The following STK3 variants were observed in gnomAD, a reference collection of about 807,000 sequenced individuals.
STK3 encodes serine/threonine kinase 3.
In STK3, 41 loss-of-function variants were observed where a neutral mutation model predicts 58.0. The ratio of observed to expected loss-of-function variants is 0.71; its 90% CI spans 0.55 to 0.92. STK3 has a LOEUF of 0.92. Ranked by LOEUF, STK3 falls within the 40% of genes least tolerant of loss-of-function variation. STK3 has a pLI of 0.00. For synonymous variants in STK3, 170 were observed against 191.0 expected (o/e 0.89, Z 0.91); for missense variants, 479 against 602.7 (o/e 0.79, Z 2.15).
At chr8:98,756,445 C>A (rs921457687) in intron 3 of STK3, among the ~76,000 whole-genome samples, 2 of 152,064 alleles carry the variant, frequency 1.3e-5, no homozygotes, top group Admixed American at 6.5e-5. Context: ...AGGCAGAAGC[C>A]TGACCATGAA....
intron 6 of STK3, chr8:98,597,525 G>A (rs556917366): frequency 3.1e-5 from 31 of 985,314 alleles, no homozygotes; most frequent in African/African-American, 1.0e-4. Context: ...TGTGTGTTCA[G>A]AACAATGCTA....
chr8:98,409,728 A>G (rs1054982067), intron 3 of STK3, among the ~76,000 whole-genome samples: 3 of 152,222 alleles, frequency 2.0e-5, no homozygotes, highest in Non-Finnish European at 4.4e-5. Flanking sequence ...AAATATGATC[A>G]GCCTGGCTCT....
intron 1 of STK3, among the ~76,000 whole-genome samples, chr8:98,442,932 T>G (rs1056828466): frequency 6.6e-6 from 1 of 151,906 alleles, no homozygotes; most frequent in Admixed American, 6.6e-5. Context: ...TTCACACAGA[T>G]TTTTGTACCA....
At chr8:98,694,611 T>C (rs1824704339) in intron 6 of STK3, among the ~76,000 whole-genome samples, 1 of 152,230 alleles carries the variant, frequency 6.6e-6, no homozygotes, top group Admixed American at 6.5e-5. Flanking sequence ...TTTGGTTTCT[T>C]GTTCTTGCGA....
chr8:98,536,886 A>G (rs1397069086), intron 9 of STK3, among the ~76,000 whole-genome samples: 2 of 152,226 alleles, frequency 1.3e-5, no homozygotes, highest in Non-Finnish European at 2.9e-5. Context: ...TCAAACTTGA[A>G]GTCCACTATT....
intron 8 of STK3, among the ~76,000 whole-genome samples, chr8:98,574,304 G>A (rs75234200): frequency 7.9e-5 from 12 of 152,248 alleles, no homozygotes; most frequent in African/African-American, 2.2e-4. Flanking sequence ...GAGACTTGTC[G>A]ATTTTGTAAA....
At chr8:98,481,451 T>C (rs544902130) in intron 10 of STK3, among the ~76,000 whole-genome samples, 2 of 152,256 alleles carry the variant, frequency 1.3e-5, no homozygotes, top group African/African-American at 4.8e-5. Context: ...GCAACTTGGA[T>C]GGAACTGGAG....
At chr8:98,696,662 T>C (rs1420232289) in intron 6 of STK3, among the ~76,000 whole-genome samples, 3 of 152,248 alleles carry the variant, frequency 2.0e-5, no homozygotes, top group Admixed American at 6.5e-5. Context: ...ATTACATTTA[T>C]TGATTTGCAT....
At chr8:98,630,989 T>C (rs1563826264) in intron 6 of STK3, among the ~76,000 whole-genome samples, 1 of 152,136 alleles carries the variant, frequency 6.6e-6, no homozygotes, top group Non-Finnish European at 1.5e-5. Context: ...ATTCAAGATA[T>C]CTGAGCCAAA....
intron 6 of STK3, among the ~76,000 whole-genome samples, chr8:98,698,520 T>C (rs1369342724): frequency 6.6e-6 from 1 of 152,224 alleles, no homozygotes; most frequent in Non-Finnish European, 1.5e-5. Context: ...CCTTTCCATG[T>C]TTAGTGCTTC....
chr8:98,461,630 C>T (rs566452512), intron 10 of STK3, among the ~76,000 whole-genome samples: 11 of 152,288 alleles, frequency 7.2e-5, no homozygotes, highest in East Asian at 1.9e-4. Flanking sequence ...ATCTACCTTT[C>T]GTTTCATGAT....
chr8:98,893,102 T>C (rs564731921), intron 1 of STK3, among the ~76,000 whole-genome samples: 2 of 152,026 alleles, frequency 1.3e-5, no homozygotes, highest in East Asian at 3.9e-4. Flanking sequence ...AAAAAGAAAA[T>C]AGCGGCTGGG....
intron 1 of STK3, among the ~76,000 whole-genome samples, chr8:98,919,442 C>A (rs1382403290): frequency 6.6e-6 from 1 of 151,692 alleles, no homozygotes; most frequent in African/African-American, 2.4e-5. Flanking sequence ...CAAAAAATAA[C>A]AATAAATCTG....
chr8:98,399,792 G>A (rs1361612402), downstream of STK3, among the ~76,000 whole-genome samples: 1 of 152,194 alleles, frequency 6.6e-6, no homozygotes, highest in Admixed American at 6.5e-5. Context: ...GAGAGCAGTA[G>A]AGAATGGGGT....
rs151335540 is a variant in STK3 at position 98,510,944 on chromosome 8, T to C, written c.1317+15798A>G. The stretch of plus-strand genomic sequence containing the variant: ...GAGGTGAAAGGCACATAGAAGTCAC[T>C]GAAAATACTTTTGTTGAACAAACGA... On this transcript the variant is annotated intron_variant, in intron 10 of 10. Coordinates refer to ENST00000419617, the MANE Select transcript of STK3 (RefSeq NM_006281.4). Among the ~76,000 whole-genome samples, 669 of 152,208 alleles carry C rather than the reference T, an allele frequency of 4.4e-3. 5 individuals are homozygous for C. The highest frequency in any genetic ancestry group is 0.015 in the African/African-American group (603 of 41,558).
chr8:98,751,131 C>T (rs1400579426), intron 3 of STK3, among the ~76,000 whole-genome samples: 1 of 152,060 alleles, frequency 6.6e-6, no homozygotes, highest in Non-Finnish European at 1.5e-5. Context: ...ATATGAAAAA[C>T]CCACAGCCAA....
intron 9 of STK3, among the ~76,000 whole-genome samples, chr8:98,527,306 A>G (rs978271152): frequency 3.9e-5 from 6 of 151,988 alleles, no homozygotes; most frequent in Admixed American, 3.9e-4. Context: ...TGCTATTGTT[A>G]TTGTACATTT....
chr8:98,345,763 AT>A, the STK3 span, among the ~76,000 whole-genome samples: 1 of 152,068 alleles, frequency 6.6e-6, no homozygotes, highest in Admixed American at 6.5e-5. Context: ...AATAGTTTTT[AT>A]TTTGAGTTCT....
intron 7 of STK3, among the ~76,000 whole-genome samples, chr8:98,589,124 TG>T (rs1328998591): frequency 3.9e-5 from 6 of 152,256 alleles, no homozygotes; most frequent in African/African-American, 1.2e-4. Flanking sequence ...CATCCAGCTT[TG>T]TTCCGTTGCT....
Sources: gnomAD v4.1 joint callset for allele counts (sites outside exome capture counted in the v4.1 genomes callset) on GRCh38, gnomAD v4.1.1 for gene constraint, MANE v1.5 for transcripts, NCBI Gene and HGNC (gene_info 2026-07-23, HGNC 2026-07-21) for gene names.